CEP120: variants seen among roughly 807,000 people sequenced by gnomAD.
The protein encoded by CEP120 is centrosomal protein of 120 kDa.
Under a neutral mutation model 126.5 loss-of-function variants are expected in CEP120, and 113 were observed. That is an observed-to-expected ratio of 0.89 (90% CI 0.77 to 1.04). The LOEUF (loss-of-function observed/expected upper bound fraction) is 1.04. Among genes scored for constraint, CEP120 ranks in the 50% least tolerant of loss-of-function variants. The pLI is 0.00. For missense variants in CEP120, 1,230 were observed against 1,155.7 expected, an observed-to-expected ratio of 1.06 and a Z score of -0.93; for synonymous variants, 400 against 394.3, an observed-to-expected ratio of 1.01 and a Z score of -0.17.
intron 18 of CEP120, among the ~76,000 whole-genome samples, chr5:123,355,546 G>A (rs1475411852): frequency 6.6e-6 from 1 of 152,158 alleles, no homozygotes; most frequent in Non-Finnish European, 1.5e-5. Context: ...GTGATGATGA[G>A]CATTTTTTCA....
At chr5:123,355,161 A>T (rs938373355) in intron 18 of CEP120, among the ~76,000 whole-genome samples, 2 of 152,144 alleles carry the variant, frequency 1.3e-5, no homozygotes, top group South Asian at 4.1e-4. Context: ...TATATGCGCC[A>T]TATTTTCTTA....
chr5:123,381,303 A>C (rs1411630057), intron 14 of CEP120, among the ~76,000 whole-genome samples: 1 of 152,086 alleles, frequency 6.6e-6, no homozygotes, highest in Non-Finnish European at 1.5e-5. Context: ...AATCTTGCTG[A>C]GCTGAGAAAA....
chr5:123,361,371 C>T (rs1039015264), intron 18 of CEP120, among the ~76,000 whole-genome samples: 5 of 151,740 alleles, frequency 3.3e-5, no homozygotes, highest in Non-Finnish European at 4.4e-5. Context: ...AGTATCAGTC[C>T]TCCTAGGTGA....
chr5:123,367,218 T>C (rs1451125127), intron 17 of CEP120, among the ~76,000 whole-genome samples: 1 of 151,900 alleles, frequency 6.6e-6, no homozygotes, highest in Non-Finnish European at 1.5e-5. Flanking sequence ...ATCTTTCCCA[T>C]TTGCCCCAAG....
At chr5:123,369,114 A>G (rs1770674671) in intron 17 of CEP120, among the ~76,000 whole-genome samples, 1 of 151,940 alleles carries the variant, frequency 6.6e-6, no homozygotes, top group Admixed American at 6.6e-5. Flanking sequence ...CTTGTCCTCT[A>G]ACACATATTT....
intron 4 of CEP120, chr5:123,401,597 T>C: frequency 1.4e-6 from 2 of 1,414,186 alleles, no homozygotes; most frequent in South Asian, 1.1e-5. Flanking sequence ...GCGGCTGTTG[T>C]CCATGGACAG....
chr5:123,406,586 G>GAAA (rs201100015), intron 4 of CEP120, among the ~76,000 whole-genome samples: 2 of 135,806 alleles, frequency 1.5e-5, no homozygotes, highest in African/African-American at 2.7e-5. Context: ...ACAATGTTGA[G>GAAA]AAAAAAAAAA....
chr5:123,396,837 T>G (rs1488917863), intron 5 of CEP120, among the ~76,000 whole-genome samples: 1 of 152,186 alleles, frequency 6.6e-6, no homozygotes, highest in Admixed American at 6.5e-5. Context: ...ATTAACTAGC[T>G]GTAAGATCTT....
At chr5:123,388,347 G>A in intron 9 of CEP120, 85 bp downstream of exon 9, 2 of 891,266 alleles carry the variant, frequency 2.2e-6, no homozygotes, top group Non-Finnish European at 3.2e-6. Flanking sequence ...AACTTCTTTG[G>A]TGACATTTCT....
At chr5:123,415,041 T>C (rs1475470266) in intron 3 of CEP120, among the ~76,000 whole-genome samples, 1 of 129,540 alleles carries the variant, frequency 7.7e-6, no homozygotes, top group Non-Finnish European at 1.6e-5. Flanking sequence ...AAAGTCACCA[T>C]CACAGGAATC....
chr5:123,372,453 A>C (rs1770916020), intron 17 of CEP120, among the ~76,000 whole-genome samples, 197 bp downstream of exon 17: 1 of 152,100 alleles, frequency 6.6e-6, no homozygotes, highest in African/African-American at 2.4e-5. Context: ...CAAGGACTCT[A>C]ATCTGTATAA....
chr5:123,387,955 T>A (rs1251762592), intron 9 of CEP120, among the ~76,000 whole-genome samples: 1 of 151,962 alleles, frequency 6.6e-6, no homozygotes, highest in South Asian at 2.1e-4. Flanking sequence ...ATGGAGGTAT[T>A]AGGAATATGA....
chr5:123,377,629 G>A (rs1043521363), intron 15 of CEP120, 94 bp from the exon 16 acceptor site: 1 of 928,336 alleles, frequency 1.1e-6, no homozygotes, highest in African/African-American at 1.7e-5. Context: ...CAAATGTTGA[G>A]GATATTTACA....
At chr5:123,402,055 T>C (rs1158152931) in intron 4 of CEP120, 133 of 1,594,452 alleles carry the variant, frequency 8.3e-5, no homozygotes, top group Non-Finnish European at 1.1e-4. Context: ...TTGTTGAGGG[T>C]CTTGATCTGC....
chr5:123,352,369 T>C (rs191792648), intron 18 of CEP120, among the ~76,000 whole-genome samples: 109 of 152,208 alleles, frequency 7.2e-4, no homozygotes, highest in African/African-American at 2.5e-3. Context: ...TGTCTCAATC[T>C]TGAAGATATT....
chr5:123,345,802 T>C lies in CEP120; in HGVS notation c.*717A>G, dbSNP rs1355295742. 6.6e-6 allele frequency: 1 copy of C among 152,120 alleles called. No individual in the cohort carries two copies. Among genetic ancestry groups the C allele is most frequent in the Non-Finnish European group, 1.5e-5 (1 of 68,022 alleles). 9.4% of individuals were successfully genotyped at this position (152,120 alleles called of 1,614,324 possible). A position where few individuals can be genotyped will look rare whatever the true frequency, so the allele number is the denominator to read the frequency against. On this transcript the variant is annotated 3_prime_UTR_variant, in exon 20 of 20. Coordinates refer to ENST00000306467, the MANE Select transcript of CEP120 (RefSeq NM_001375405.1). ...TATAACTGGAAAATAAAAAGAAATC[T>C]CTAATTTTAACAAAAGAAAACAATG...
At chr5:123,372,818 G>A (rs1580665911) in intron 16 of CEP120, 46 bp from the exon 17 acceptor site, 2 of 1,470,034 alleles carry the variant, frequency 1.4e-6, no homozygotes. Flanking sequence ...GATATGCAAA[G>A]TTTAACAATA....
At position 123,399,271 on chromosome 5, in the gene CEP120, C is replaced by A. The variant is rs1183876622; in HGVS notation, c.477G>T (p.Leu159=). The part of the protein sequence containing the change: ...PPRDGKVPAI[L]AGLDPRDIVA... ...CAATGTCCCTGGGGTCAAGTCCAGC[C>A]AGGATGGCAGGTACTTTACAGAGAA... The change falls in exon 5 of 20, where the codon CTG becomes CTT. Residue 159 remains leucine, a synonymous_variant. Transcript: ENST00000306467. 1 of 1,613,916 alleles carries A rather than the reference C, an allele frequency of 6.2e-7. No individual in the cohort carries two copies. Among genetic ancestry groups the A allele is most frequent in the East Asian group, 2.2e-5 (1 of 44,892 alleles).
chr5:123,353,604 T>C (rs1769358360), intron 18 of CEP120, among the ~76,000 whole-genome samples: 1 of 151,944 alleles, frequency 6.6e-6, no homozygotes, highest in South Asian at 2.1e-4. Flanking sequence ...AAAATTCAAA[T>C]GTGAAGACAT....
Sources: gnomAD v4.1 joint callset for allele counts (sites outside exome capture counted in the v4.1 genomes callset) on GRCh38, gnomAD v4.1.1 for gene constraint, MANE v1.5 for transcripts, NCBI Gene and HGNC (gene_info 2026-07-23, HGNC 2026-07-21) for gene names.